Variants in RSPO2 observed in about 807,000 individuals in gnomAD.
RSPO2 encodes R-spondin 2.
RSPO2 carries 14 observed loss-of-function variants against 30.9 expected under a neutral mutation model. The observed-to-expected ratio is 0.45, with a 90% CI of 0.30 to 0.71. The LOEUF (loss-of-function observed/expected upper bound fraction) is 0.71. Among genes scored for constraint, RSPO2 ranks in the 30% least tolerant of loss-of-function variants. RSPO2 has a pLI of 0.08. For synonymous variants in RSPO2, 107 were observed against 96.4 expected, an observed-to-expected ratio of 1.11 and a Z score of -0.64; for missense variants, 264 against 301.9, an observed-to-expected ratio of 0.87 and a Z score of 0.93.
chr8:107,955,867 T>C (rs1313562425), intron 5 of RSPO2, among the ~76,000 whole-genome samples: 1 of 152,216 alleles, frequency 6.6e-6, no homozygotes, highest in Non-Finnish European at 1.5e-5. Flanking sequence ...TCCATACATA[T>C]GTTGCAAAGA....
At chr8:107,916,621 A>T (rs1304432003) in intron 5 of RSPO2, among the ~76,000 whole-genome samples, 1 of 152,208 alleles carries the variant, frequency 6.6e-6, no homozygotes, top group Non-Finnish European at 1.5e-5. Context: ...TCTAGTTCAG[A>T]CAAACAGAGT....
chr8:108,018,235 T>C (rs1810953748), intron 2 of RSPO2, among the ~76,000 whole-genome samples: 1 of 152,218 alleles, frequency 6.6e-6, no homozygotes, highest in Non-Finnish European at 1.5e-5. Context: ...AGTCTCATTT[T>C]ACCCAGGAAA....
At chr8:107,926,455 T>A (rs1379989074) in intron 5 of RSPO2, among the ~76,000 whole-genome samples, 3 of 152,100 alleles carry the variant, frequency 2.0e-5, no homozygotes, top group African/African-American at 7.2e-5. Context: ...CTTTCGGTGT[T>A]TTAGACATGA....
At chr8:108,039,832 G>A (rs1040060767) in intron 2 of RSPO2, among the ~76,000 whole-genome samples, 4 of 152,142 alleles carry the variant, frequency 2.6e-5, no homozygotes, top group Admixed American at 6.6e-5. Flanking sequence ...CTGAAGGTAG[G>A]TAAATCAGGT....
intron 5 of RSPO2, among the ~76,000 whole-genome samples, chr8:107,921,223 A>G (rs1003742981): frequency 2.0e-5 from 3 of 151,976 alleles, no homozygotes; most frequent in African/African-American, 7.3e-5. Flanking sequence ...CTGATAGAAA[A>G]TAAGTTTTGA....
At chr8:107,926,163 G>A (rs1812362604) in intron 5 of RSPO2, among the ~76,000 whole-genome samples, 1 of 152,162 alleles carries the variant, frequency 6.6e-6, no homozygotes, top group South Asian at 2.1e-4. Flanking sequence ...CAGTGATGGT[G>A]AGCATTTTTT....
chr8:107,960,639 G>T, intron 4 of RSPO2, 35 bp downstream of exon 4: 1 of 1,589,738 alleles, frequency 6.3e-7, no homozygotes. Flanking sequence ...TAAAATAAAA[G>T]TTGCAGATTG....
intron 2 of RSPO2, among the ~76,000 whole-genome samples, chr8:107,991,070 AAAAT>A (rs2130530174): frequency 6.6e-6 from 1 of 152,256 alleles, no homozygotes; most frequent in East Asian, 1.9e-4. Context: ...ATCTCTACAA[AAAAT>A]AAATAAATAA....
intron 5 of RSPO2, among the ~76,000 whole-genome samples, chr8:107,920,036 A>C (rs1347653105): frequency 6.6e-6 from 1 of 152,082 alleles, no homozygotes; most frequent in Admixed American, 6.6e-5. Context: ...ACAGGGCAAG[A>C]CTTATCTCCC....
At chr8:108,013,992 A>T (rs1810788789) in intron 2 of RSPO2, among the ~76,000 whole-genome samples, 1 of 152,220 alleles carries the variant, frequency 6.6e-6, no homozygotes, top group South Asian at 2.1e-4. Flanking sequence ...AAGAACTTAA[A>T]TTTACAAGAA....
Position 108,076,182 on chromosome 8 carries a change from A to G in RSPO2, c.94+6363T>C, listed in dbSNP as rs776441826. Among the ~76,000 whole-genome samples, 24 of 152,330 alleles carry G rather than the reference A, an allele frequency of 1.6e-4. No individual in the cohort carries two copies. In the Middle Eastern group the frequency reaches 0.01, roughly 65 times the overall value. On this transcript the variant is annotated intron_variant, in intron 2 of 5. Transcript: ENST00000276659. ...CTTGAAAACACATGGCATGCCCAGA[A>G]ATGAAGTTATCTGGGATAGCTTAAG...
chr8:107,964,011 G>A (rs938080666), intron 3 of RSPO2, among the ~76,000 whole-genome samples: 2 of 152,106 alleles, frequency 1.3e-5, no homozygotes, highest in Non-Finnish European at 2.9e-5. Context: ...ATTGTAAGGG[G>A]AAAAAACTAA....
intron 2 of RSPO2, among the ~76,000 whole-genome samples, chr8:108,038,373 T>G (rs989403399): frequency 6.6e-6 from 1 of 152,184 alleles, no homozygotes; most frequent in Non-Finnish European, 1.5e-5. Flanking sequence ...GCAAAGAAAG[T>G]GTTTCTTGAG....
At chr8:108,054,414 A>C (rs925708486) in intron 2 of RSPO2, among the ~76,000 whole-genome samples, 1 of 152,156 alleles carries the variant, frequency 6.6e-6, no homozygotes, top group Non-Finnish European at 1.5e-5. Context: ...CAGACACACA[A>C]AGAGTGAGAG....
intron 3 of RSPO2, among the ~76,000 whole-genome samples, chr8:107,985,952 C>T (rs1240104951): frequency 6.6e-6 from 1 of 152,098 alleles, no homozygotes; most frequent in Non-Finnish European, 1.5e-5. Flanking sequence ...AAGGATATTG[C>T]TTTACATTGG....
At chr8:108,057,749 T>C (rs1256521506) in intron 2 of RSPO2, among the ~76,000 whole-genome samples, 2 of 152,238 alleles carry the variant, frequency 1.3e-5, no homozygotes, top group Admixed American at 1.3e-4. Context: ...TTCCTAGTTC[T>C]ATTCCCTGAC....
chr8:107,907,394 A>G (rs10089690), intron 5 of RSPO2, among the ~76,000 whole-genome samples: 5,581 of 152,170 alleles, frequency 0.037, 152 homozygotes, highest in African/African-American at 0.079. Flanking sequence ...GTTTGCTATC[A>G]TTTTCCTTAA....
intron 5 of RSPO2, among the ~76,000 whole-genome samples, chr8:107,945,611 G>A (rs1813036756): frequency 6.6e-6 from 1 of 152,036 alleles, no homozygotes. Flanking sequence ...CACATGCATT[G>A]TTTCAACAGG....
chr8:108,013,117 T>A (rs926457103), intron 2 of RSPO2, among the ~76,000 whole-genome samples: 2 of 152,312 alleles, frequency 1.3e-5, no homozygotes, highest in South Asian at 4.1e-4. Context: ...ATCTGGCATC[T>A]ACAAATTTAG....
Sources: allele counts gnomAD v4.1 joint callset (sites outside exome capture counted in the v4.1 genomes callset), GRCh38; gene constraint gnomAD v4.1.1; transcripts MANE v1.5; gene names NCBI Gene and HGNC (gene_info 2026-07-23, HGNC 2026-07-21).